PBX1: variants seen among roughly 807,000 people sequenced by gnomAD.
The protein encoded by PBX1 is pre-B-cell leukemia transcription factor 1.
In PBX1, 6 loss-of-function variants were observed where a neutral mutation model predicts 53.4. The observed-to-expected ratio is 0.11, with a 90% CI of 0.06 to 0.22. PBX1 has a LOEUF of 0.22. Among genes scored for constraint, PBX1 ranks in the 10% least tolerant of loss-of-function variants. The pLI is 1.00. For missense variants in PBX1, 251 were observed against 551.4 expected (o/e 0.46, Z 5.46); for synonymous variants, 204 against 212.3 (o/e 0.96, Z 0.34).
At chr1:164,680,000 TCA>T (rs1354314845) in intron 2 of PBX1, 7 of 152,134 alleles carry the variant, frequency 4.6e-5, no homozygotes, top group African/African-American at 1.7e-4. Context: ...GAAATATCAG[TCA>T]CGTGAATTAA....
intron 2 of PBX1, among the ~76,000 whole-genome samples, chr1:164,881,996 A>G (rs1291518713): frequency 6.6e-6 from 1 of 152,146 alleles, no homozygotes; most frequent in Non-Finnish European, 1.5e-5. Flanking sequence ...CCCAAAACTA[A>G]TTATCCAGGT....
At chr1:164,754,307 C>T (rs1387114213) in intron 2 of PBX1, among the ~76,000 whole-genome samples, 5 of 152,178 alleles carry the variant, frequency 3.3e-5, no homozygotes, top group Non-Finnish European at 4.4e-5. Flanking sequence ...GTGCTGCTGA[C>T]GTTTTAGAAC....
intron 2 of PBX1, among the ~76,000 whole-genome samples, chr1:164,576,402 G>T (rs1654240032): frequency 6.6e-6 from 1 of 152,190 alleles, no homozygotes. Flanking sequence ...GTCCGCCGGC[G>T]CGGCGCCGCG....
chr1:164,637,536 G>A lies in PBX1; in HGVS notation c.265+74225G>A, dbSNP rs547218446. On this transcript the variant is annotated intron_variant, in intron 2 of 8. Coordinates refer to ENST00000420696, the MANE Select transcript of PBX1 (RefSeq NM_002585.4). ...TTTATCGACCAAAGGCAGGAGGTAG[G>A]GTGAGGGAGTCCTGTTATTCAGTAG... Among the ~76,000 whole-genome samples, 6 of 152,210 alleles carry A rather than the reference G, an allele frequency of 3.9e-5. No individual in the cohort carries two copies. In the South Asian group the frequency reaches 1.0e-3, roughly 26 times the overall value.
At chr1:164,688,731 A>G (rs1267547622) in intron 2 of PBX1, among the ~76,000 whole-genome samples, 1 of 152,160 alleles carries the variant, frequency 6.6e-6, no homozygotes, top group Non-Finnish European at 1.5e-5. Context: ...CTCCCCTTCT[A>G]GGAGATTTCA....
intron 2 of PBX1, among the ~76,000 whole-genome samples, chr1:164,783,943 A>G (rs967756367): frequency 6.6e-5 from 10 of 152,236 alleles, no homozygotes; most frequent in African/African-American, 2.2e-4. Context: ...TGTTTTCTCT[A>G]TGGTTGCTTC....
At chr1:164,811,915 A>C in intron 5 of PBX1, 75 bp from the exon 6 acceptor site, 1 of 1,326,086 alleles carries the variant, frequency 7.5e-7, no homozygotes, top group African/African-American at 1.5e-5. Context: ...CTCTCCCATA[A>C]AGCCTTTTTT....
intron 2 of PBX1, among the ~76,000 whole-genome samples, chr1:164,654,332 G>A (rs1054524002): frequency 1.3e-5 from 2 of 152,192 alleles, no homozygotes; most frequent in Non-Finnish European, 2.9e-5. Context: ...TGTATTAACA[G>A]AAAAGAGGCC....
At chr1:164,805,074 A>C (rs979941262) in intron 4 of PBX1, among the ~76,000 whole-genome samples, 14 of 152,160 alleles carry the variant, frequency 9.2e-5, no homozygotes, top group African/African-American at 3.4e-4. Flanking sequence ...TGAGTCTTTT[A>C]TAAAAAACTT....
chr1:164,737,362 A>T (rs1441724248), intron 2 of PBX1, among the ~76,000 whole-genome samples: 1 of 152,206 alleles, frequency 6.6e-6, no homozygotes, highest in African/African-American at 2.4e-5. Context: ...ATTGATATCC[A>T]TTGTTTTTAT....
intron 2 of PBX1, among the ~76,000 whole-genome samples, chr1:164,605,949 A>G (rs551066703): frequency 3.9e-5 from 6 of 152,118 alleles, no homozygotes; most frequent in Admixed American, 6.5e-5. Flanking sequence ...GAATTCAGAC[A>G]CTTTTGGTAA....
At chr1:164,600,386 G>A (rs570281811) in intron 2 of PBX1, among the ~76,000 whole-genome samples, 1 of 151,698 alleles carries the variant, frequency 6.6e-6, no homozygotes, top group Non-Finnish European at 1.5e-5. Context: ...CGAGTAGCTG[G>A]GATTACAGGT....
rs556685856 is a variant in PBX1 at position 164,806,635 on chromosome 1, C to G, written c.702-907C>G. 3.9e-5 allele frequency among the ~76,000 whole-genome samples: 6 copies of G among 152,264 alleles called. No homozygotes were observed. In the East Asian group the frequency reaches 1.2e-3, roughly 29 times the overall value. The stretch of plus-strand genomic sequence containing the variant: ...GTAGTGGTCAGACCTGAATTAATAC[C>G]TTAGCTCTGTTACATACCAGCCAAG... On this transcript the variant is annotated intron_variant, in intron 4 of 8. Transcript: ENST00000420696.
At chr1:164,833,062 T>A (rs1275288594) in intron 8 of PBX1, among the ~76,000 whole-genome samples, 1 of 152,178 alleles carries the variant, frequency 6.6e-6, no homozygotes, top group Non-Finnish European at 1.5e-5. Flanking sequence ...TCTTTCTATG[T>A]GGTAGACACT....
At chr1:164,841,386 G>A (rs570944389) in intron 8 of PBX1, among the ~76,000 whole-genome samples, 1 of 152,152 alleles carries the variant, frequency 6.6e-6, no homozygotes, top group Non-Finnish European at 1.5e-5. Flanking sequence ...CAAGGCTGCG[G>A]CAGAGCTGCT....
At chr1:164,753,119 A>G (rs1253859745) in intron 2 of PBX1, among the ~76,000 whole-genome samples, 1 of 152,228 alleles carries the variant, frequency 6.6e-6, no homozygotes, top group Non-Finnish European at 1.5e-5. Context: ...TCTGTGCTGC[A>G]AGAGAAAAGA....
intron 3 of PBX1, among the ~76,000 whole-genome samples, chr1:164,793,968 A>G (rs1410106174): frequency 7.3e-6 from 1 of 137,612 alleles, no homozygotes; most frequent in Non-Finnish European, 1.5e-5. Flanking sequence ...TCTGTGTCCC[A>G]GGTTCAAGCA....
At chr1:164,807,725 G>T (rs1238400160) in intron 5 of PBX1, 48 bp downstream of exon 5, 1 of 1,602,354 alleles carries the variant, frequency 6.2e-7, no homozygotes, top group African/African-American at 1.3e-5. Context: ...CCATGGCGGG[G>T]CCTCCGGGGC....
Position 164,870,355 on chromosome 1 carries a change from T to TTCTTTC in PBX1, n.258-28832_258-28827dup, listed in dbSNP as rs1553255711. Reference sequence around the variant, plus strand: ...TTTCTTTCTTTCTTTCTTTCTTTCTTTCTTTCGAGATGAAGTCTTGCTCTG... The same window carrying TTCTTTC: ...TTTCTTTCTTTCTTTCTTTCTTTCTTTCTTTCTCTTTCGAGATGAAGTCTTGCTCTG... On this transcript the variant is annotated intron_variant and non_coding_transcript_variant, in intron 2 of 2. Transcript: ENST00000558796. Among the ~76,000 whole-genome samples the TTCTTTC allele has an allele frequency of 1.2e-4, 11 of 94,788 alleles. 1 individual carries two copies. Among genetic ancestry groups the TTCTTTC allele is most frequent in the South Asian group, 3.9e-4 (1 of 2,542 alleles). 62.2% of individuals were successfully genotyped at this position (94,788 alleles called of 152,430 possible).
Sources: allele counts gnomAD v4.1 joint callset (sites outside exome capture counted in the v4.1 genomes callset), GRCh38; gene constraint gnomAD v4.1.1; transcripts MANE v1.5; gene names NCBI Gene and HGNC (gene_info 2026-07-23, HGNC 2026-07-21).